Variants in GALNT14 observed in about 807,000 individuals in gnomAD.
GALNT14 encodes polypeptide N-acetylgalactosaminyltransferase 14.
GALNT14 carries 60 observed loss-of-function variants against 77.5 expected under a neutral mutation model. The ratio of observed to expected loss-of-function variants is 0.77; its 90% CI spans 0.63 to 0.96. The LOEUF is 0.96. GALNT14 is among the 40% of genes least tolerant of loss of function. The probability of loss-of-function intolerance (pLI) is 0.00; values close to 1 mark genes in which losing one functional copy is unlikely to be tolerated. For missense variants in GALNT14, 710 were observed against 731.0 expected (o/e 0.97, Z 0.33); for synonymous variants, 280 against 281.7 (o/e 0.99, Z 0.06).
At chr2:31,072,079 G>A (rs144005058) in intron 1 of GALNT14, among the ~76,000 whole-genome samples, 15 of 152,204 alleles carry the variant, frequency 9.9e-5, no homozygotes, top group South Asian at 2.1e-4. Context: ...CTAGAGACAC[G>A]TGGAAGAACA....
chr2:31,080,321 AT>A (rs773988059), intron 1 of GALNT14, among the ~76,000 whole-genome samples: 1 of 152,208 alleles, frequency 6.6e-6, no homozygotes, highest in Non-Finnish European at 1.5e-5. Context: ...GTAATGAATA[AT>A]TTTTTAGTGT....
chr2:30,956,539 C>T (rs942340729), intron 4 of GALNT14, among the ~76,000 whole-genome samples: 5 of 152,164 alleles, frequency 3.3e-5, no homozygotes, highest in South Asian at 2.1e-4. Flanking sequence ...GACGGAATCT[C>T]GCTGTCGCCC....
chr2:31,132,576 T>C (rs1450894247), intron 1 of GALNT14: 1 of 395,476 alleles, frequency 2.5e-6, no homozygotes, highest in Non-Finnish European at 5.2e-6. Context: ...CACACTGAAA[T>C]TGCCTTTGCA....
chr2:30,936,294 G>A (rs1422990741), intron 9 of GALNT14, among the ~76,000 whole-genome samples: 1 of 152,014 alleles, frequency 6.6e-6, no homozygotes, highest in African/African-American at 2.4e-5. Context: ...ATGGATGGTG[G>A]GCAGGAATTC....
intron 1 of GALNT14, among the ~76,000 whole-genome samples, chr2:31,120,555 C>T (rs1039209068): frequency 6.6e-6 from 1 of 152,086 alleles, no homozygotes; most frequent in Admixed American, 6.6e-5. Context: ...TAGTATCCTA[C>T]CATGAACACA....
chr2:30,931,927 G>C, intron 10 of GALNT14, 141 bp downstream of exon 10: 1 of 768,446 alleles, frequency 1.3e-6, no homozygotes, highest in Non-Finnish European at 1.8e-6. Flanking sequence ...AGTCTGGGTA[G>C]TACGAGGTGC....
chr2:30,921,378 C>G (rs1276223929), intron 13 of GALNT14, among the ~76,000 whole-genome samples: 1 of 152,254 alleles, frequency 6.6e-6, no homozygotes, highest in African/African-American at 2.4e-5. Flanking sequence ...GTCCCCTACT[C>G]ACAACATTTT....
chr2:30,911,021 T>A lies in GALNT14; in HGVS notation c.1539A>T (p.Ala513=), dbSNP rs760676083. ...TKTGSHIEHI[A]SHLCLDTDMF... ...TATCTGTATCGAGGCAGAGGTGGGA[T>A]GCTATGTGCTCGATGTGGGAACCAG... is the stretch of plus-strand genomic sequence containing the variant. The change falls in exon 15 of 15, where the codon GCA becomes GCT. Residue 513 remains alanine (A), a synonymous_variant. Coordinates refer to ENST00000349752, the MANE Select transcript of GALNT14 (RefSeq NM_024572.4). 1 of 1,614,026 alleles carries A rather than the reference T, an allele frequency of 6.2e-7. No homozygotes were observed. The highest frequency in any genetic ancestry group is 1.1e-5 in the South Asian group (1 of 91,062).
intron 1 of GALNT14, among the ~76,000 whole-genome samples, chr2:31,093,743 A>G (rs1331206143): frequency 6.6e-6 from 1 of 152,248 alleles, no homozygotes; most frequent in Non-Finnish European, 1.5e-5. Flanking sequence ...TTATTTCTGT[A>G]GCATCCAGCA....
chr2:30,911,080 G>A lies in GALNT14; in HGVS notation c.1501-21C>T, dbSNP rs373341564. On this transcript the variant is annotated intron_variant, in intron 14 of 14. Transcript: ENST00000349752. ...CATTGCTGGTAAGACAAAGAAGAGA[G>A]TGAATGAACTAGGTGCCATCAGTAA... is the stretch of plus-strand genomic sequence containing the variant. 130 of 1,611,074 alleles carry A rather than the reference G, an allele frequency of 8.1e-5. No homozygotes were observed. The Middle Eastern group carries it at 2.0e-3, about 25-fold the overall frequency.
At chr2:30,911,978 A>G (rs950883166) in intron 14 of GALNT14, among the ~76,000 whole-genome samples, 8 of 152,212 alleles carry the variant, frequency 5.3e-5, no homozygotes, top group African/African-American at 1.9e-4. Flanking sequence ...ATGACTGGGC[A>G]TGGTGTGGTC....
chr2:31,114,259 A>G (rs1677986157), intron 1 of GALNT14, among the ~76,000 whole-genome samples: 1 of 151,958 alleles, frequency 6.6e-6, no homozygotes, highest in South Asian at 2.1e-4. Context: ...AGCTGGTCCT[A>G]AGCTGCAACA....
At chr2:30,935,881 A>G (rs80186661) in intron 9 of GALNT14, among the ~76,000 whole-genome samples, 3,406 of 152,246 alleles carry the variant, frequency 0.022, 62 homozygotes, top group South Asian at 0.046. Context: ...TGGACCTTCC[A>G]GGTACAGATT....
At chr2:30,999,169 C>A (rs1184507426) in intron 1 of GALNT14, among the ~76,000 whole-genome samples, 1 of 152,214 alleles carries the variant, frequency 6.6e-6, no homozygotes, top group Non-Finnish European at 1.5e-5. Flanking sequence ...ATCTATCCAT[C>A]CAACGTTGGA....
At position 30,953,305 on chromosome 2, in the gene GALNT14, CTT is replaced by C. The variant is rs34668885; in HGVS notation, c.654+2311_654+2312del. 2.3e-3 allele frequency among the ~76,000 whole-genome samples: 272 copies of C among 117,050 alleles called. 4 individuals are homozygous for C. The highest frequency in any genetic ancestry group is 7.7e-3 in the African/African-American group (217 of 28,016). 76.8% of individuals were successfully genotyped at this position (117,050 alleles called of 152,430 possible). Reference sequence around the variant, plus strand: ...TTCTTCCTCACAAATAATTTCCTTCCTTTTTTTTTTTTTTTTTTTTTGAGAGA... The same window carrying C: ...TTCTTCCTCACAAATAATTTCCTTCCTTTTTTTTTTTTTTTTTTTGAGAGA... On this transcript the variant is annotated intron_variant, in intron 6 of 14. Transcript: ENST00000349752.
intron 3 of GALNT14, among the ~76,000 whole-genome samples, chr2:30,959,493 CT>C (rs1359038667): frequency 6.6e-6 from 1 of 152,206 alleles, no homozygotes; most frequent in Non-Finnish European, 1.5e-5. Flanking sequence ...ATAGCAGCTA[CT>C]TACTACAAGC....
At chr2:30,945,648 T>A in intron 7 of GALNT14, 135 bp downstream of exon 7, 2 of 707,788 alleles carry the variant, frequency 2.8e-6, no homozygotes, top group East Asian at 5.4e-5. Context: ...CAAGCTAAGG[T>A]AATTATAGTG....
At chr2:30,893,840 G>A in the GALNT14 span, among the ~76,000 whole-genome samples, 2 of 151,716 alleles carry the variant, frequency 1.3e-5, no homozygotes, top group Admixed American at 1.3e-4. Flanking sequence ...CCCTTTAGTG[G>A]GTTGAATATC....
rs369739161 is a variant in GALNT14, at chr2:31,083,286, G to C, written c.129+54672C>G. Among the ~76,000 whole-genome samples the C allele has an allele frequency of 1.5e-4, 23 of 152,268 alleles. No individual in the cohort carries two copies. In the East Asian group the frequency reaches 1.7e-3, roughly 12 times the overall value. On this transcript the variant is annotated intron_variant, in intron 1 of 14. Coordinates refer to ENST00000349752, the MANE Select transcript of GALNT14 (RefSeq NM_024572.4). The stretch of plus-strand genomic sequence containing the variant: ...TGCCTTTAGCTGTGGGGATCAGAGG[G>C]GGGTGGAAGCAGGGAGCCAAGCACC...
Sources: gnomAD v4.1 joint callset for allele counts (sites outside exome capture counted in the v4.1 genomes callset) on GRCh38, gnomAD v4.1.1 for gene constraint, MANE v1.5 for transcripts, NCBI Gene and HGNC (gene_info 2026-07-23, HGNC 2026-07-21) for gene names.